Variants in SPG11 observed in about 807,000 individuals in gnomAD.
SPG11 encodes spatacsin.
In SPG11, 222 loss-of-function variants were observed where a neutral mutation model predicts 274.0. The ratio of observed to expected loss-of-function variants is 0.81; its 90% CI spans 0.73 to 0.91. SPG11 has a LOEUF of 0.91. Among genes scored for constraint, SPG11 ranks in the 40% least tolerant of loss-of-function variants. SPG11 has a pLI of 0.00. For missense variants in SPG11, 3,114 were observed against 2,872.7 expected (o/e 1.08, Z -1.92); for synonymous variants, 1,144 against 1,039.7 (o/e 1.10, Z -1.93).
chr15:44,587,447 T>G (rs1595847822), intron 28 of SPG11, among the ~76,000 whole-genome samples: 1 of 152,118 alleles, frequency 6.6e-6, no homozygotes, highest in Non-Finnish European at 1.5e-5. Context: ...CCCAGCACCA[T>G]GGGAGGCCAA....
Position 44,613,484 on chromosome 15 carries a change from G to A in SPG11, c.3091C>T (p.His1031Tyr). 1 of 1,613,986 alleles carries A rather than the reference G, an allele frequency of 6.2e-7. No individual in the cohort carries two copies. The highest frequency in any genetic ancestry group is 1.3e-5 in the African/African-American group (1 of 75,044). ...TGAACTAAAAATTCAAACCAAGGGTGTGCTTCATGTAACTCTTTTTTTTCC... is the reference window on the plus strand; with the variant it reads ...TGAACTAAAAATTCAAACCAAGGGTATGCTTCATGTAACTCTTTTTTTTCC... The part of the protein sequence containing the change: ...FLEKKELHEA[H>Y]PWFEFLVQCR... The change falls in exon 17 of 40, where the codon CAC (histidine) becomes TAC (tyrosine). Residue 1031 changes from histidine (H) to tyrosine (Y), a missense_variant. Transcript: ENST00000261866.
chr15:44,646,194 G>A (rs1470758225), intron 7 of SPG11, among the ~76,000 whole-genome samples: 2 of 152,060 alleles, frequency 1.3e-5, no homozygotes, highest in Non-Finnish European at 1.5e-5. Flanking sequence ...TATTCCTCAC[G>A]GCACTATTGA....
rs372810917 is a variant in SPG11, at chr15:44,575,635, C to T, written c.5867-594G>A. Among the ~76,000 whole-genome samples the T allele has an allele frequency of 1.9e-4, 29 of 151,360 alleles. No homozygotes were observed. The East Asian group carries it at 4.4e-3, about 23-fold the overall frequency. The stretch of plus-strand genomic sequence containing the variant: ...TCAGCCTCTCGAGTAGCTGGGATTA[C>T]AGGCGTGCACCACCACACCTGGCTA... On this transcript the variant is annotated intron_variant, in intron 30 of 39. Coordinates refer to ENST00000261866, the MANE Select transcript of SPG11 (RefSeq NM_025137.4).
chr15:44,572,124 A>G (rs2082436735), intron 33 of SPG11, among the ~76,000 whole-genome samples: 1 of 152,266 alleles, frequency 6.6e-6, no homozygotes, highest in Admixed American at 6.5e-5. Flanking sequence ...TATATATAAG[A>G]AATCTGTGTA....
In SPG11 at chr15:44,598,728, G is replaced by A. The variant is rs1310655472; in HGVS notation, c.3795C>T (p.Ser1265=). ...VCFLELLGLD[S]LKLRVDMKVA... is the part of the protein sequence containing the mutation. The stretch of plus-strand genomic sequence containing the variant: ...CTTTCATATCAACTCTGAGCTTGAG[G>A]CTGTCAAGGCCAAGCAATTCTAAGA... Residue 1265 remains serine, a synonymous_variant, in exon 22 of 40, where the codon AGC becomes AGT. Coordinates refer to ENST00000261866, the MANE Select transcript of SPG11 (RefSeq NM_025137.4). 1.2e-6 allele frequency: 2 copies of A among 1,614,032 alleles called. No homozygotes were observed. The highest frequency in any genetic ancestry group is 8.5e-7 in the Non-Finnish European group (1 of 1,180,018).
intron 30 of SPG11, among the ~76,000 whole-genome samples, chr15:44,583,390 G>A (rs904968371): frequency 1.8e-4 from 28 of 152,010 alleles, no homozygotes; most frequent in African/African-American, 5.6e-4. Context: ...CCTGGGAGGC[G>A]GAGGTTGCAG....
chr15:44,598,652 T>C lies in SPG11; in HGVS notation c.3871A>G (p.Ser1291Gly), dbSNP rs1181352958. 6 of 1,614,210 alleles carry C rather than the reference T, an allele frequency of 3.7e-6. No homozygotes were observed. Among genetic ancestry groups the C allele is most frequent in the East Asian group, 2.2e-5 (1 of 44,882 alleles). Residue 1291 changes from serine (S) to glycine (G), a missense_variant, in exon 22 of 40, where the codon AGC becomes GGC. Transcript: ENST00000261866. ...GTACCTACAGACTCTCTGATAAAGC[T>C]GTACTGAGCATCTTCATTTCTGCAC... ...YKCRNEDAQY[S>G]FIRESVAEKL...
chr15:44,633,713 A>C (rs1024961325), intron 7 of SPG11, 76 bp from the exon 8 acceptor site: 2 of 1,481,942 alleles, frequency 1.3e-6, no homozygotes, highest in Admixed American at 3.8e-5. Context: ...ATTTTTAAAC[A>C]AACTTTAGAA....
rs312262790 is a variant in SPG11 at position 44,564,596 on chromosome 15, T to TA, written c.7101dup (p.Lys2368Ter). 6.2e-7 allele frequency: 1 copy of TA among 1,614,064 alleles called. No individual in the cohort carries two copies. Among genetic ancestry groups the TA allele is most frequent in the Non-Finnish European group, 8.5e-7 (1 of 1,179,908 alleles). On this transcript the variant is annotated frameshift_variant, in exon 39 of 40. Coordinates refer to ENST00000261866, the MANE Select transcript of SPG11 (RefSeq NM_025137.4). LOFTEE classifies it high-confidence loss of function. ...CTGGACTTTAATAACCTTTGCTGCT[T>TA]AAATTCTTCCAAGTAATTAAAGTCT...
chr15:44,624,133 G>C (rs192491641), intron 11 of SPG11, among the ~76,000 whole-genome samples: 110 of 151,454 alleles, frequency 7.3e-4, no homozygotes, highest in African/African-American at 2.6e-3. Flanking sequence ...TCTATCAACA[G>C]ATGAATGGAT....
At position 44,589,289 on chromosome 15, in the gene SPG11, TA is replaced by T. The variant is rs774409142; in HGVS notation, c.4868del (p.Leu1623TyrfsTer17). 3 of 1,614,132 alleles carry T rather than the reference TA, an allele frequency of 1.9e-6. No homozygotes were observed. The highest frequency in any genetic ancestry group is 2.5e-6 in the Non-Finnish European group (3 of 1,179,986). ...GATGCTCTCTTTCAACAAAGAGCTG[TA>T]AAAGCTTCCCCAGCTCATACTGGGT... ...CKTQYELGKL[L>X]QLFVEREHLF... On this transcript the variant is annotated frameshift_variant, in exon 28 of 40. Coordinates refer to ENST00000261866, the MANE Select transcript of SPG11 (RefSeq NM_025137.4). LOFTEE classifies it high-confidence loss of function.
At position 44,566,301 on chromosome 15, in the gene SPG11, G is replaced by A. The variant is rs141818132; in HGVS notation, c.6759C>T (p.Asp2253=). ...LKLIESQPWE[D]SLKDGHQLKQ... Reference sequence around the variant, plus strand: ...TCAGCTGGTGCCCATCCTTGAGGCTGTCCTCTGTAGGGGAAATAAAGAAGA... The same window carrying A: ...TCAGCTGGTGCCCATCCTTGAGGCTATCCTCTGTAGGGGAAATAAAGAAGA... The change falls in exon 37 of 40, where the codon GAC becomes GAT. Residue 2253 remains aspartate, a synonymous_variant. Coordinates refer to ENST00000261866, the MANE Select transcript of SPG11 (RefSeq NM_025137.4). 4.3e-6 allele frequency: 7 copies of A among 1,613,860 alleles called. No homozygotes were observed. The highest frequency in any genetic ancestry group is 5.9e-6 in the Non-Finnish European group (7 of 1,179,962).
At chr15:44,632,537 A>G (rs2084100338) in intron 8 of SPG11, among the ~76,000 whole-genome samples, 1 of 149,434 alleles carries the variant, frequency 6.7e-6, no homozygotes, top group Non-Finnish European at 1.5e-5. Context: ...TTTTTTTGAG[A>G]GTCGTACTTT....
At chr15:44,606,303 T>C in intron 19 of SPG11, 1 of 514,030 alleles carries the variant, frequency 1.9e-6, no homozygotes, top group Non-Finnish European at 3.5e-6. Flanking sequence ...CTGGCTATGT[T>C]CCTTTTAAAG....
At chr15:44,612,694 C>T (rs750801110) in intron 17 of SPG11, among the ~76,000 whole-genome samples, 1 of 152,138 alleles carries the variant, frequency 6.6e-6, no homozygotes, top group Non-Finnish European at 1.5e-5. Context: ...CCACACCTGG[C>T]CAGTATTACC....
intron 38 of SPG11, 98 bp from the exon 39 acceptor site, chr15:44,564,796 T>G: frequency 7.8e-7 from 1 of 1,275,056 alleles, no homozygotes. Flanking sequence ...CTCACTCATG[T>G]AGTGAATATG....
intron 7 of SPG11, 132 bp from the exon 8 acceptor site, chr15:44,633,769 T>C: frequency 1.2e-6 from 1 of 835,028 alleles, no homozygotes; most frequent in Admixed American, 2.3e-5. Flanking sequence ...CATGAGTACA[T>C]GGGCTCCAGT....
intron 3 of SPG11, among the ~76,000 whole-genome samples, chr15:44,657,534 G>A (rs1038168408): frequency 6.6e-5 from 10 of 152,158 alleles, no homozygotes; most frequent in Admixed American, 3.3e-4. Flanking sequence ...CTCTGGGCCA[G>A]GCCCAGAGGC....
intron 35 of SPG11, 30 bp from the exon 36 acceptor site, chr15:44,567,622 TGTCA>T (rs753781830): frequency 2.9e-5 from 46 of 1,613,436 alleles, no homozygotes; most frequent in Non-Finnish European, 3.9e-5. Context: ...AAAAGCAAGG[TGTCA>T]GTCAGGGACT....
Sources: gnomAD v4.1 joint callset for allele counts (sites outside exome capture counted in the v4.1 genomes callset) on GRCh38, gnomAD v4.1.1 for gene constraint, MANE v1.5 for transcripts, NCBI Gene and HGNC (gene_info 2026-07-23, HGNC 2026-07-21) for gene names.